EEA1: variants seen among roughly 807,000 people sequenced by gnomAD.
EEA1 encodes the protein early endosome antigen 1.
EEA1 carries 111 observed loss-of-function variants against 209.2 expected under a neutral mutation model. That is an observed-to-expected ratio of 0.53 (90% CI 0.45 to 0.62). The LOEUF (loss-of-function observed/expected upper bound fraction) is 0.62, where lower values mean the gene tolerates loss of function less well. Among genes scored for constraint, EEA1 ranks in the 20% least tolerant of loss-of-function variants. EEA1 has a pLI of 0.00. For missense variants in EEA1, 1,343 were observed against 1,530.8 expected, an observed-to-expected ratio of 0.88 and a Z score of 2.05; for synonymous variants, 536 against 540.6, an observed-to-expected ratio of 0.99 and a Z score of 0.12.
intron 3 of EEA1, chr12:92,859,162 G>T (rs1592741614): frequency 1.3e-6 from 2 of 1,584,480 alleles, no homozygotes; most frequent in Non-Finnish European, 1.7e-6. Context: ...CCACCCTAGG[G>T]TCATTGTCAG....
At chr12:92,802,052 C>G (rs1874940867) in intron 19 of EEA1, among the ~76,000 whole-genome samples, 1 of 151,816 alleles carries the variant, frequency 6.6e-6, no homozygotes, top group Admixed American at 6.6e-5. Flanking sequence ...AAAATGGAAG[C>G]AAGAAAACTT....
intron 21 of EEA1, among the ~76,000 whole-genome samples, chr12:92,789,287 C>CAAA (rs35631295): frequency 0.068 from 8,405 of 124,212 alleles, 289 homozygotes; most frequent in Middle Eastern, 0.12. Flanking sequence ...GACGCCATCT[C>CAAA]AAAAAAAAAA....
At chr12:92,827,834 G>T in intron 12 of EEA1, 78 bp downstream of exon 12, 2 of 1,368,310 alleles carry the variant, frequency 1.5e-6, no homozygotes, top group South Asian at 4.1e-5. Flanking sequence ...TTAAAGCTTT[G>T]ACAATTAACA....
chr12:92,858,009 C>A (rs765475681), intron 3 of EEA1: 2 of 346,244 alleles, frequency 5.8e-6, no homozygotes, highest in African/African-American at 4.2e-5. Flanking sequence ...CTGCAACTTG[C>A]GCATTTCGCA....
intron 13 of EEA1, among the ~76,000 whole-genome samples, chr12:92,820,511 A>T (rs1364658853): frequency 2.0e-5 from 3 of 152,082 alleles, no homozygotes. Context: ...CATTCCACTA[A>T]TCTGGAATCA....
At chr12:92,798,065 A>G (rs958892486) in intron 21 of EEA1, among the ~76,000 whole-genome samples, 7 of 152,130 alleles carry the variant, frequency 4.6e-5, no homozygotes, top group Admixed American at 1.3e-4. Flanking sequence ...CATTTTTACC[A>G]ACTCTTGGTC....
intron 22 of EEA1, among the ~76,000 whole-genome samples, chr12:92,782,862 C>G (rs745460201): frequency 6.6e-6 from 1 of 152,066 alleles, no homozygotes; most frequent in Admixed American, 6.6e-5. Flanking sequence ...TGCCTCATAC[C>G]CTGGGTGAAA....
intron 20 of EEA1, among the ~76,000 whole-genome samples, chr12:92,799,947 G>A (rs1341724760): frequency 2.0e-5 from 3 of 152,090 alleles, no homozygotes; most frequent in Non-Finnish European, 4.4e-5. Flanking sequence ...ACACTGCACA[G>A]GCCAGGTGCT....
rs1368812394 is a variant in EEA1, at chr12:92,775,057, G to A, written c.*954C>T. The A allele has an allele frequency of 6.6e-6, 1 of 151,662 alleles. No homozygotes were observed. Among genetic ancestry groups the A allele is most frequent in the East Asian group, 1.9e-4 (1 of 5,188 alleles). The allele number at this position is 151,662 out of a possible 1,614,324, so 9.4% of individuals were successfully genotyped here. ...AAATAAAGGAAAAAATCAGATCTAT[G>A]TAAAAAGCAAACTCAGGTTCCTGAA... On this transcript the variant is annotated 3_prime_UTR_variant, in exon 29 of 29. Transcript: ENST00000322349.
chr12:92,863,372 C>T (rs866582765), intron 3 of EEA1, among the ~76,000 whole-genome samples: 34 of 152,232 alleles, frequency 2.2e-4, no homozygotes, highest in African/African-American at 8.0e-4. Context: ...GCAGCTTCTG[C>T]TTCTTTCCTC....
At chr12:92,795,006 T>C (rs1405604325) in intron 21 of EEA1, among the ~76,000 whole-genome samples, 1 of 152,228 alleles carries the variant, frequency 6.6e-6, no homozygotes, top group Non-Finnish European at 1.5e-5. Context: ...GTCCTGATGA[T>C]GCAACTTCCA....
At chr12:92,853,134 C>T in intron 6 of EEA1, 109 bp from the exon 7 acceptor site, 1 of 664,480 alleles carries the variant, frequency 1.5e-6, no homozygotes, top group Non-Finnish European at 2.4e-6. Flanking sequence ...AGTTTATTAT[C>T]CAATTACAAG....
At chr12:92,815,992 A>C (rs1331370645) in intron 15 of EEA1, among the ~76,000 whole-genome samples, 1 of 150,658 alleles carries the variant, frequency 6.6e-6, no homozygotes, top group Non-Finnish European at 1.5e-5. Flanking sequence ...GGAAGGCAGA[A>C]GGGAGGAGGG....
intron 1 of EEA1, among the ~76,000 whole-genome samples, chr12:92,917,064 A>T (rs1426790251): frequency 6.8e-6 from 1 of 147,956 alleles, no homozygotes; most frequent in Non-Finnish European, 1.5e-5. Context: ...AAAAGAAATG[A>T]GCAAAGCCTC....
intron 11 of EEA1, among the ~76,000 whole-genome samples, chr12:92,830,608 A>T (rs1202610168): frequency 6.6e-6 from 1 of 152,236 alleles, no homozygotes; most frequent in Non-Finnish European, 1.5e-5. Flanking sequence ...AGACAGACTG[A>T]ATGATACAAC....
At chr12:92,835,206 G>C (rs1450105923) in intron 10 of EEA1, among the ~76,000 whole-genome samples, 3 of 151,788 alleles carry the variant, frequency 2.0e-5, no homozygotes, top group Non-Finnish European at 4.4e-5. Context: ...TTTGTAAAGA[G>C]AATTCTAAGT....
At chr12:92,809,468 T>C (rs1875383861) in intron 17 of EEA1, among the ~76,000 whole-genome samples, 1 of 148,958 alleles carries the variant, frequency 6.7e-6, no homozygotes, top group African/African-American at 2.5e-5. Context: ...GGCAGATCAC[T>C]TGAGGTCAGA....
rs762609899 is a variant in EEA1, at chr12:92,812,965, C to T, written c.2043+15G>A. 1 of 1,530,726 alleles carries T rather than the reference C, an allele frequency of 6.5e-7. No homozygotes were observed. The highest frequency in any genetic ancestry group is 8.9e-7 in the Non-Finnish European group (1 of 1,120,978). 94.8% of individuals were successfully genotyped at this position (1,530,726 alleles called of 1,614,324 possible). ...AGCACTAGGTGATAGTATGAAATTG[C>T]ATCTGTTTCCCTACCTGCTGTTTAT... is the stretch of plus-strand genomic sequence containing the variant. On this transcript the variant is annotated intron_variant, in intron 16 of 28. Coordinates refer to ENST00000322349, the MANE Select transcript of EEA1 (RefSeq NM_003566.4).
intron 1 of EEA1, among the ~76,000 whole-genome samples, chr12:92,918,498 G>A (rs1163306857): frequency 7.9e-6 from 1 of 126,254 alleles, no homozygotes; most frequent in Non-Finnish European, 1.7e-5. Context: ...AATGACTACT[G>A]GGTACATAAC....
Sources: gnomAD v4.1 joint callset for allele counts (sites outside exome capture counted in the v4.1 genomes callset) on GRCh38, gnomAD v4.1.1 for gene constraint, MANE v1.5 for transcripts, NCBI Gene and HGNC (gene_info 2026-07-23, HGNC 2026-07-21) for gene names.